EXOC6B: variants seen among roughly 807,000 people sequenced by gnomAD.
EXOC6B encodes the protein SEC15 homolog B.
Under a neutral mutation model 113.5 loss-of-function variants are expected in EXOC6B, and 54 were observed. The observed-to-expected ratio is 0.48, with a 90% CI of 0.38 to 0.60. The LOEUF is 0.60. EXOC6B is among the 20% of genes least tolerant of loss of function. The pLI is 0.00. For missense variants in EXOC6B, 797 were observed against 977.5 expected (o/e 0.82, Z 2.46); for synonymous variants, 357 against 339.0 (o/e 1.05, Z -0.58).
chr2:72,553,547 A>G (rs1029261877), intron 8 of EXOC6B, among the ~76,000 whole-genome samples: 3 of 152,102 alleles, frequency 2.0e-5, no homozygotes, highest in African/African-American at 7.2e-5. Flanking sequence ...ATATTTTGAT[A>G]TATTATAAAA....
chr2:72,759,794 A>G (rs1682637186), intron 1 of EXOC6B, among the ~76,000 whole-genome samples: 1 of 152,226 alleles, frequency 6.6e-6, no homozygotes, highest in Non-Finnish European at 1.5e-5. Flanking sequence ...TTGATTCTTT[A>G]GAAAAAGTCC....
At chr2:72,554,790 T>A (rs1703439748) in intron 8 of EXOC6B, among the ~76,000 whole-genome samples, 1 of 152,186 alleles carries the variant, frequency 6.6e-6, no homozygotes. Context: ...AGTTCCAGGG[T>A]ACATGTGCAC....
Position 72,479,089 on chromosome 2 carries a change from C to T in EXOC6B, c.1800+1527G>A, listed in dbSNP as rs534118078. On this transcript the variant is annotated intron_variant, in intron 17 of 21. Coordinates refer to ENST00000272427, the MANE Select transcript of EXOC6B (RefSeq NM_015189.3). ...CTTTTTATTAAGTCATTCTTTTCCT[C>T]ACTAAAAGAACATCTAAATTAGTAT... is the stretch of plus-strand genomic sequence containing the variant. Among the ~76,000 whole-genome samples the T allele has an allele frequency of 3.9e-5, 6 of 152,190 alleles. No individual in the cohort carries two copies. In the South Asian group the frequency reaches 1.2e-3, roughly 32 times the overall value.
intron 18 of EXOC6B, among the ~76,000 whole-genome samples, chr2:72,410,130 G>A (rs1196822598): frequency 6.6e-6 from 1 of 152,184 alleles, no homozygotes; most frequent in Non-Finnish European, 1.5e-5. Context: ...GGTTCTGACA[G>A]TTTCTGCTTA....
At chr2:72,403,224 A>AT (rs1693468003) in intron 18 of EXOC6B, among the ~76,000 whole-genome samples, 1 of 152,120 alleles carries the variant, frequency 6.6e-6, no homozygotes, top group African/African-American at 2.4e-5. Flanking sequence ...CTGCATTGTA[A>AT]TTTTTTGTTC....
At chr2:72,418,147 C>A (rs1694646652) in intron 18 of EXOC6B, among the ~76,000 whole-genome samples, 1 of 152,022 alleles carries the variant, frequency 6.6e-6, no homozygotes, top group Admixed American at 6.6e-5. Context: ...TATTATGTAT[C>A]CATAAATTAT....
intron 20 of EXOC6B, among the ~76,000 whole-genome samples, chr2:72,259,821 C>T (rs1683596735): frequency 7.3e-6 from 1 of 136,086 alleles, no homozygotes; most frequent in South Asian, 2.1e-4. Context: ...GAAGCTGAGG[C>T]AGACAGATAG....
chr2:72,641,797 G>A (rs1673262992), intron 6 of EXOC6B, among the ~76,000 whole-genome samples: 1 of 152,220 alleles, frequency 6.6e-6, no homozygotes, highest in Non-Finnish European at 1.5e-5. Flanking sequence ...CTAACTGGGA[G>A]ACACCTCCCA....
At chr2:72,484,748 G>C (rs901271314) in intron 16 of EXOC6B, among the ~76,000 whole-genome samples, 1 of 152,002 alleles carries the variant, frequency 6.6e-6, no homozygotes, top group Non-Finnish European at 1.5e-5. Flanking sequence ...ATGGCTTCCA[G>C]CTTCATCCAT....
At chr2:72,417,370 C>T (rs956869115) in intron 18 of EXOC6B, among the ~76,000 whole-genome samples, 2 of 152,136 alleles carry the variant, frequency 1.3e-5, no homozygotes, top group African/African-American at 4.8e-5. Context: ...GTTGGCCAGG[C>T]TGGTCTCAAA....
intron 6 of EXOC6B, among the ~76,000 whole-genome samples, chr2:72,654,169 A>G (rs1197780703): frequency 6.6e-6 from 1 of 151,942 alleles, no homozygotes; most frequent in Non-Finnish European, 1.5e-5. Flanking sequence ...ACGGGGTTTC[A>G]CCGTGTTAGC....
At chr2:72,299,516 A>G (rs1686366004) in intron 20 of EXOC6B, among the ~76,000 whole-genome samples, 1 of 151,868 alleles carries the variant, frequency 6.6e-6, no homozygotes, top group African/African-American at 2.4e-5. Context: ...TCTGAAGCCT[A>G]CTTCTGTCAA....
intron 18 of EXOC6B, among the ~76,000 whole-genome samples, chr2:72,386,230 A>G (rs1042475282): frequency 6.6e-6 from 1 of 152,148 alleles, no homozygotes; most frequent in African/African-American, 2.4e-5. Context: ...AAAATGATGT[A>G]AAACAGGAAC....
chr2:72,507,323 A>G (rs1700646496), intron 11 of EXOC6B, among the ~76,000 whole-genome samples: 1 of 152,168 alleles, frequency 6.6e-6, no homozygotes, highest in Non-Finnish European at 1.5e-5. Flanking sequence ...TCTGTCTCTT[A>G]ACGTATAAAA....
intron 20 of EXOC6B, among the ~76,000 whole-genome samples, chr2:72,301,457 G>T (rs1573215638): frequency 1.3e-5 from 2 of 152,124 alleles, no homozygotes; most frequent in Non-Finnish European, 2.9e-5. Context: ...GTAGAATTTG[G>T]CTGTGAATCC....
chr2:72,443,779 G>A (rs1407795390), intron 18 of EXOC6B, among the ~76,000 whole-genome samples: 1 of 152,140 alleles, frequency 6.6e-6, no homozygotes, highest in Non-Finnish European at 1.5e-5. Context: ...GTGTGGGAAA[G>A]ATCTGCCCCC....
At chr2:72,528,499 T>A (rs1701842880) in intron 8 of EXOC6B, among the ~76,000 whole-genome samples, 2 of 152,132 alleles carry the variant, frequency 1.3e-5, no homozygotes, top group Non-Finnish European at 1.5e-5. Flanking sequence ...CTTCTTTTTT[T>A]AAAATTTGTC....
At chr2:72,614,616 A>G (rs916030790) in intron 6 of EXOC6B, among the ~76,000 whole-genome samples, 8 of 152,188 alleles carry the variant, frequency 5.3e-5, no homozygotes, top group African/African-American at 1.9e-4. Flanking sequence ...GTAATTAATT[A>G]TATTTCTAGT....
At position 72,799,335 on chromosome 2, in the gene EXOC6B, C is replaced by T. The variant is rs545770540; in HGVS notation, c.113+26463G>A. 9.9e-5 allele frequency among the ~76,000 whole-genome samples: 15 copies of T among 150,926 alleles called. No homozygotes were observed. The South Asian group carries it at 2.3e-3, about 23-fold the overall frequency. ...CTATAATCCTAGCATTTTAGGAGGT[C>T]GAGGTGGGCAGATCACCTGAGCCTA... On this transcript the variant is annotated intron_variant, in intron 1 of 21. Coordinates refer to ENST00000272427, the MANE Select transcript of EXOC6B (RefSeq NM_015189.3).
Sources: allele counts gnomAD v4.1 joint callset (sites outside exome capture counted in the v4.1 genomes callset), GRCh38; gene constraint gnomAD v4.1.1; transcripts MANE v1.5; gene names NCBI Gene and HGNC (gene_info 2026-07-23, HGNC 2026-07-21).